Variants in KCNAB1 observed in about 807,000 individuals in gnomAD.
KCNAB1 encodes the protein voltage-gated potassium channel subunit beta-1.
A neutral mutation model predicts 64.6 loss-of-function variants in KCNAB1; 35 were observed. The observed-to-expected ratio is 0.54, with a 90% confidence interval of 0.41 to 0.72. KCNAB1 has a LOEUF of 0.72. Ranked by LOEUF, KCNAB1 falls within the 30% of genes least tolerant of loss-of-function variation. KCNAB1 has a pLI of 0.00. For synonymous variants in KCNAB1, 177 were observed against 183.8 expected, an observed-to-expected ratio of 0.96 and a Z score of 0.30; for missense variants, 401 against 512.9, an observed-to-expected ratio of 0.78 and a Z score of 2.11.
intron 1 of KCNAB1, among the ~76,000 whole-genome samples, chr3:156,287,895 C>T (rs543251737): frequency 1.1e-3 from 173 of 151,940 alleles, no homozygotes; most frequent in Middle Eastern, 3.4e-3. Context: ...TTTAGAGGCA[C>T]CTTCTTCAGT....
rs1449751859 is a variant in KCNAB1, at chr3:156,395,903, G to A, written c.276-25713G>A. 2.6e-5 allele frequency among the ~76,000 whole-genome samples: 4 copies of A among 152,148 alleles called. No homozygotes were observed. In the East Asian group the frequency reaches 7.7e-4, roughly 29 times the overall value. ...AGCCACCTTCCTTACTATTTCATACGTTGTTACCGTGTGTAGAAAATACCT... is the reference window on the plus strand; with the variant it reads ...AGCCACCTTCCTTACTATTTCATACATTGTTACCGTGTGTAGAAAATACCT... On this transcript the variant is annotated intron_variant, in intron 1 of 13. Transcript: ENST00000490337.
chr3:156,400,960 C>T (rs1361659176), intron 1 of KCNAB1, among the ~76,000 whole-genome samples: 1 of 152,214 alleles, frequency 6.6e-6, no homozygotes, highest in Non-Finnish European at 1.5e-5. Flanking sequence ...TAGAACCAGA[C>T]ACAGTGATGC....
intron 1 of KCNAB1, among the ~76,000 whole-genome samples, chr3:156,287,922 T>C (rs889357948): frequency 1.3e-5 from 2 of 152,228 alleles, no homozygotes; most frequent in African/African-American, 4.8e-5. Flanking sequence ...CAATAGTTTC[T>C]TGCAAGCAAT....
chr3:156,499,897 A>G (rs1023003127), intron 8 of KCNAB1, among the ~76,000 whole-genome samples: 1 of 152,136 alleles, frequency 6.6e-6, no homozygotes, highest in African/African-American at 2.4e-5. Context: ...GACCCACAAG[A>G]CCCAATCTAA....
intron 1 of KCNAB1, among the ~76,000 whole-genome samples, chr3:156,270,152 G>A (rs901071173): frequency 5.9e-5 from 9 of 152,012 alleles, no homozygotes; most frequent in African/African-American, 1.7e-4. Context: ...TCCTGACCTC[G>A]TGATCTGTCC....
chr3:156,180,043 T>A (rs1454100894), intron 1 of KCNAB1, among the ~76,000 whole-genome samples: 2 of 152,222 alleles, frequency 1.3e-5, no homozygotes, highest in Non-Finnish European at 2.9e-5. Context: ...AGCTTGGTAC[T>A]ATTATTGCCA....
intron 1 of KCNAB1, among the ~76,000 whole-genome samples, chr3:156,420,467 CA>C (rs1715397838): frequency 2.0e-5 from 3 of 152,136 alleles, no homozygotes; most frequent in Non-Finnish European, 4.4e-5. Flanking sequence ...ACATGTGATG[CA>C]AAAATGGGAG....
At chr3:156,506,435 G>T (rs1716840167) in intron 8 of KCNAB1, among the ~76,000 whole-genome samples, 1 of 152,174 alleles carries the variant, frequency 6.6e-6, no homozygotes, top group African/African-American at 2.4e-5. Context: ...TTAGAATAAG[G>T]TTCTGAAATC....
chr3:156,511,239 G>A (rs934338187), intron 8 of KCNAB1, among the ~76,000 whole-genome samples: 18 of 152,014 alleles, frequency 1.2e-4, no homozygotes, highest in Non-Finnish European at 2.1e-4. Flanking sequence ...GAGTAGCTGG[G>A]ACTACAGGCA....
chr3:156,324,969 T>C (rs1235013473), intron 1 of KCNAB1, among the ~76,000 whole-genome samples: 1 of 152,154 alleles, frequency 6.6e-6, no homozygotes, highest in Admixed American at 6.6e-5. Context: ...AGCAAGGCCT[T>C]ATGAGGGTAC....
In KCNAB1 at chr3:156,297,098, G is replaced by T. The variant is rs960440726; in HGVS notation, c.276-124518G>T. On this transcript the variant is annotated intron_variant, in intron 1 of 13. Transcript: ENST00000490337. ...ACCACCACAATGAAGAATCAAAATT[G>T]TTCCATCATCACAGGGCTCCCTCAT... Among the ~76,000 whole-genome samples the T allele has an allele frequency of 2.6e-5, 4 of 152,208 alleles. No individual in the cohort carries two copies. In the South Asian group the frequency reaches 8.3e-4, roughly 32 times the overall value.
Position 156,120,674 on chromosome 3 carries a change from G to A in KCNAB1, c.63G>A (p.Arg21=), listed in dbSNP as rs374444884. ...SQISEENTKL[R]RQSGFSVAGK... is the part of the protein sequence containing the mutation. ...TCTCAGAGGAGAACACCAAGTTAAG[G>A]AGACAGTCTGGGTTTTCTGTAGCAG... Residue 21 remains arginine (R), a synonymous_variant, in exon 1 of 14, where the codon AGG becomes AGA. Transcript: ENST00000490337. 5.6e-6 allele frequency: 9 copies of A among 1,614,226 alleles called. No homozygotes were observed. The highest frequency in any genetic ancestry group is 7.6e-6 in the Non-Finnish European group (9 of 1,180,044).
At chr3:156,174,536 G>A (rs55667811) in intron 1 of KCNAB1, among the ~76,000 whole-genome samples, 17 of 152,340 alleles carry the variant, frequency 1.1e-4, no homozygotes, top group Non-Finnish European at 2.5e-4. Context: ...ATTAAGGAAT[G>A]GGTGAGCCCT....
intron 1 of KCNAB1, among the ~76,000 whole-genome samples, chr3:156,359,821 T>C (rs1287331723): frequency 6.6e-6 from 1 of 152,206 alleles, no homozygotes; most frequent in African/African-American, 2.4e-5. Context: ...TCTATAGATT[T>C]GTCAGAGTTC....
intron 1 of KCNAB1, among the ~76,000 whole-genome samples, chr3:156,349,181 A>G (rs1008968953): frequency 2.6e-5 from 4 of 152,192 alleles, no homozygotes; most frequent in African/African-American, 9.7e-5. Context: ...ATCAGTCTAG[A>G]GGAACCACTT....
intron 1 of KCNAB1, among the ~76,000 whole-genome samples, chr3:156,275,661 A>C (rs1263379190): frequency 6.6e-6 from 1 of 152,206 alleles, no homozygotes; most frequent in East Asian, 1.9e-4. Flanking sequence ...CATCTTTACC[A>C]GGAGTAGATT....
chr3:156,206,299 C>A (rs368937587), intron 1 of KCNAB1, among the ~76,000 whole-genome samples: 2 of 152,186 alleles, frequency 1.3e-5, no homozygotes, highest in Non-Finnish European at 2.9e-5. Flanking sequence ...TTTCCTGGCT[C>A]CAGTGACTGG....
intron 1 of KCNAB1, among the ~76,000 whole-genome samples, chr3:156,351,953 G>C (rs1724890829): frequency 1.3e-5 from 2 of 152,168 alleles, no homozygotes; most frequent in Non-Finnish European, 2.9e-5. Context: ...CCCACCAGTG[G>C]GGCCTCCTCA....
chr3:156,472,902 T>G lies in KCNAB1; in HGVS notation c.572-1832T>G, dbSNP rs79386077. On this transcript the variant is annotated intron_variant, in intron 7 of 13. Transcript: ENST00000490337. Reference sequence around the variant, plus strand: ...ATAATAAATGACAAAATCACACCTGTCTGTGACATGCCTGATCACACAGTG... The same window carrying G: ...ATAATAAATGACAAAATCACACCTGGCTGTGACATGCCTGATCACACAGTG... 3.7e-3 allele frequency among the ~76,000 whole-genome samples: 562 copies of G among 152,306 alleles called. 2 individuals are homozygous for G. Among genetic ancestry groups the G allele is most frequent in the African/African-American group, 0.013 (533 of 41,582 alleles).
Sources: gnomAD v4.1 joint callset for allele counts (sites outside exome capture counted in the v4.1 genomes callset) on GRCh38, gnomAD v4.1.1 for gene constraint, MANE v1.5 for transcripts, NCBI Gene and HGNC (gene_info 2026-07-23, HGNC 2026-07-21) for gene names.